The following MIB1 variants were observed in gnomAD, a reference collection of about 807,000 sequenced individuals.
MIB1 encodes MIB E3 ubiquitin protein ligase 1.
MIB1 carries 278 observed loss-of-function variants against 124.5 expected under a neutral mutation model. That is an observed-to-expected ratio of 2.23 (90% confidence interval 2.02 to 2.47). The LOEUF is 2.47. Ranked by LOEUF, MIB1 falls within the 30% of genes most tolerant of loss-of-function variation. The probability of loss-of-function intolerance (pLI) is 0.00; values close to 1 mark genes in which losing one functional copy is unlikely to be tolerated. For synonymous variants in MIB1, 446 were observed against 429.4 expected, an observed-to-expected ratio of 1.04 and a Z score of -0.48; for missense variants, 957 against 1,254.4, an observed-to-expected ratio of 0.76 and a Z score of 3.58.
chr18:21,823,529 G>A (rs767809180), intron 12 of MIB1, among the ~76,000 whole-genome samples: 4 of 152,108 alleles, frequency 2.6e-5, no homozygotes, highest in Non-Finnish European at 5.9e-5. Flanking sequence ...TATTTCAAAG[G>A]TGCAGATCAA....
upstream of MIB1, among the ~76,000 whole-genome samples, chr18:21,740,650 G>T (rs76121539): frequency 0.015 from 2,333 of 152,298 alleles, 55 homozygotes; most frequent in African/African-American, 0.053. Context: ...CGGCCTAACC[G>T]CTTTCCTCAT....
At chr18:21,754,617 T>C (rs1044732195) in intron 1 of MIB1, among the ~76,000 whole-genome samples, 12 of 152,266 alleles carry the variant, frequency 7.9e-5, no homozygotes, top group African/African-American at 2.9e-4. Context: ...AAGTGCATCC[T>C]TTAAGTAAAA....
rs567024844 is a variant in MIB1 at position 21,864,815 on chromosome 18, A to T, written c.*149A>T. 3.9e-4 allele frequency: 195 copies of T among 500,444 alleles called. No homozygotes were observed. The highest frequency in any genetic ancestry group is 3.7e-3 in the Middle Eastern group (7 of 1,912). 31.0% of individuals were successfully genotyped at this position (500,444 alleles called of 1,614,324 possible). A position where few individuals can be genotyped will look rare whatever the true frequency, so the allele number is the denominator to read the frequency against. On this transcript the variant is annotated 3_prime_UTR_variant, in exon 21 of 21. Transcript: ENST00000261537. Reference sequence around the variant, plus strand: ...ATTGGGCTGTAAATGTACCAGAACAAAAAACCCTACAAAATGGTGTTGGAA... The same window carrying T: ...ATTGGGCTGTAAATGTACCAGAACATAAAACCCTACAAAATGGTGTTGGAA...
intron 12 of MIB1, among the ~76,000 whole-genome samples, chr18:21,838,071 A>T (rs563396535): frequency 1.3e-5 from 2 of 151,970 alleles, no homozygotes; most frequent in Non-Finnish European, 2.9e-5. Flanking sequence ...TTTTGATTCT[A>T]TTTCCCAGAT....
intron 1 of MIB1, among the ~76,000 whole-genome samples, chr18:21,719,365 A>G (rs183326861): frequency 8.6e-4 from 131 of 152,244 alleles, no homozygotes; most frequent in African/African-American, 2.9e-3. Flanking sequence ...ATGAAATCAT[A>G]TAAGTCGGTA....
At chr18:21,757,034 C>T (rs1400369377) in intron 1 of MIB1, among the ~76,000 whole-genome samples, 1 of 151,978 alleles carries the variant, frequency 6.6e-6, no homozygotes, top group Non-Finnish European at 1.5e-5. Context: ...TCTTTTTTTC[C>T]TACATAATCC....
chr18:21,731,280 A>G (rs1383022194), intron 1 of MIB1, among the ~76,000 whole-genome samples: 1 of 151,910 alleles, frequency 6.6e-6, no homozygotes, highest in Non-Finnish European at 1.5e-5. Flanking sequence ...AGCTTCTTTC[A>G]CTCAGCATAA....
chr18:21,858,796 G>A, intron 20 of MIB1, 150 bp downstream of exon 20: 1 of 487,408 alleles, frequency 2.1e-6, no homozygotes, highest in East Asian at 3.1e-5. Context: ...TCTGATTAGA[G>A]GGTTTAATCA....
chr18:21,734,395 G>A (rs775680447), intron 1 of MIB1, among the ~76,000 whole-genome samples: 39 of 152,012 alleles, frequency 2.6e-4, no homozygotes, highest in Non-Finnish European at 4.1e-4. Context: ...GTGAGCCAAC[G>A]TGCCTGGCTG....
intron 1 of MIB1, among the ~76,000 whole-genome samples, chr18:21,764,417 T>C (rs2041132658): frequency 6.6e-6 from 1 of 152,202 alleles, no homozygotes; most frequent in Non-Finnish European, 1.5e-5. Flanking sequence ...TATCGGGAAG[T>C]ACCCAGTAGT....
At chr18:21,790,894 AT>A (rs1186635890) in intron 6 of MIB1, among the ~76,000 whole-genome samples, 2 of 152,190 alleles carry the variant, frequency 1.3e-5, no homozygotes, top group African/African-American at 4.8e-5. Context: ...CTTTCCCCAA[AT>A]TTGTATATTA....
In MIB1 at chr18:21,778,160, C is replaced by CCTGTG; in HGVS notation, c.697_701dup (p.Gly235CysfsTer2). The CCTGTG allele has an allele frequency of 1.2e-6, 2 of 1,603,734 alleles. No individual in the cohort carries two copies. Among genetic ancestry groups the CCTGTG allele is most frequent in the Admixed American group, 1.7e-5 (1 of 59,962 alleles). On this transcript the variant is annotated frameshift_variant, in exon 5 of 21. Coordinates refer to ENST00000261537, the MANE Select transcript of MIB1 (RefSeq NM_020774.4). LOFTEE classifies it high-confidence loss of function. ...AGGTTCTTTCTACAGAGATCACTGC[C>CCTGTG]CTGTGCTAGGTGAGTGAGAAGATTA...
At chr18:21,776,017 A>G (rs2041280756) in intron 4 of MIB1, among the ~76,000 whole-genome samples, 1 of 152,182 alleles carries the variant, frequency 6.6e-6, no homozygotes, top group Non-Finnish European at 1.5e-5. Flanking sequence ...CTGTAATCCC[A>G]GCACCATGGG....
intron 8 of MIB1, 95 bp from the exon 9 acceptor site, chr18:21,799,746 A>G: frequency 8.4e-7 from 1 of 1,184,660 alleles, no homozygotes; most frequent in Non-Finnish European, 1.2e-6. Context: ...AGAATAAAAT[A>G]GGAAAAGATT....
chr18:21,740,058 T>C, upstream of MIB1, among the ~76,000 whole-genome samples: 1 of 152,210 alleles, frequency 6.6e-6, no homozygotes, highest in East Asian at 1.9e-4. Context: ...TTTCCCTCCT[T>C]TGACTATCAG....
At chr18:21,819,412 G>C in intron 11 of MIB1, 83 bp from the exon 12 acceptor site, 1 of 823,298 alleles carries the variant, frequency 1.2e-6, no homozygotes, top group Non-Finnish European at 1.9e-6. Flanking sequence ...CTCTGCTTCT[G>C]TTTGCTTAGC....
intron 1 of MIB1, among the ~76,000 whole-genome samples, chr18:21,716,608 T>C (rs545937445): frequency 6.6e-6 from 1 of 152,230 alleles, no homozygotes; most frequent in East Asian, 1.9e-4. Flanking sequence ...TCTCAGCACT[T>C]TGGGAGGCTG....
intron 1 of MIB1, among the ~76,000 whole-genome samples, chr18:21,709,185 G>C (rs2040654636): frequency 6.6e-6 from 1 of 151,918 alleles, no homozygotes; most frequent in Non-Finnish European, 1.5e-5. Flanking sequence ...GGGTGCAGTG[G>C]CGGGTGCCTG....
intron 4 of MIB1, among the ~76,000 whole-genome samples, chr18:21,777,407 A>T (rs1357584792): frequency 6.6e-6 from 1 of 152,092 alleles, no homozygotes; most frequent in Non-Finnish European, 1.5e-5. Flanking sequence ...AGACTCTGTC[A>T]CACACACACA....
Sources: gnomAD v4.1 joint callset for allele counts (sites outside exome capture counted in the v4.1 genomes callset) on GRCh38, gnomAD v4.1.1 for gene constraint, MANE v1.5 for transcripts, NCBI Gene and HGNC (gene_info 2026-07-23, HGNC 2026-07-21) for gene names.